Variants in ADK observed in about 807,000 individuals in gnomAD.
ADK encodes adenosine kinase.
Under a neutral mutation model 44.7 loss-of-function variants are expected in ADK, and 24 were observed. That is an observed-to-expected ratio of 0.54 (90% CI 0.39 to 0.76). ADK has a LOEUF of 0.76. Among genes scored for constraint, ADK ranks in the 30% least tolerant of loss-of-function variants. ADK has a pLI of 0.00. For synonymous variants in ADK, 128 were observed against 142.6 expected, an observed-to-expected ratio of 0.90 and a Z score of 0.73; for missense variants, 321 against 425.1, an observed-to-expected ratio of 0.76 and a Z score of 2.15.
At chr10:74,536,377 G>A (rs577233318) in intron 7 of ADK, among the ~76,000 whole-genome samples, 9 of 151,460 alleles carry the variant, frequency 5.9e-5, no homozygotes, top group Non-Finnish European at 1.3e-4. Flanking sequence ...CACGTGCTGG[G>A]ACAAAAAGTG....
chr10:74,201,672 G>GTATCTATCTATC (rs1219010013), intron 2 of ADK, among the ~76,000 whole-genome samples: 12 of 134,678 alleles, frequency 8.9e-5, no homozygotes, highest in African/African-American at 1.3e-4. Flanking sequence ...ATGTATGTAT[G>GTATCTATCTATC]TATGTATCTA....
intron 7 of ADK, among the ~76,000 whole-genome samples, chr10:74,538,810 T>A (rs1849538010): frequency 6.6e-6 from 1 of 152,210 alleles, no homozygotes; most frequent in Non-Finnish European, 1.5e-5. Context: ...TTTTAATGTT[T>A]CTAATAGTTA....
At chr10:74,193,740 G>A (rs1843032161) in intron 1 of ADK, among the ~76,000 whole-genome samples, 1 of 152,072 alleles carries the variant, frequency 6.6e-6, no homozygotes. Flanking sequence ...CTGCCCTCCA[G>A]CCTGGGCAAC....
At position 74,600,378 on chromosome 10, in the gene ADK, G is replaced by A; in HGVS notation, c.763-1G>A. ...AATTTTTTCCTTCCTTCTATTAATAGACTAAAGACATTAAAGAGATAGCCA... is the reference window on the plus strand; with the variant it reads ...AATTTTTTCCTTCCTTCTATTAATAAACTAAAGACATTAAAGAGATAGCCA... On this transcript the variant is annotated splice_acceptor_variant, in intron 8 of 10. Transcript: ENST00000539909. LOFTEE classifies it high-confidence loss of function. 1 of 1,600,834 alleles carries A rather than the reference G, an allele frequency of 6.2e-7. No homozygotes were observed. Among genetic ancestry groups the A allele is most frequent in the Non-Finnish European group, 8.5e-7 (1 of 1,170,972 alleles).
At chr10:74,173,262 T>C (rs979747083) in intron 1 of ADK, among the ~76,000 whole-genome samples, 31 of 151,428 alleles carry the variant, frequency 2.0e-4, no homozygotes, top group African/African-American at 7.3e-4. Flanking sequence ...GGCTAATTTT[T>C]TTTTTAATTT....
intron 6 of ADK, among the ~76,000 whole-genome samples, chr10:74,471,386 ACTGTTTTGATTG>A (rs1372112798): frequency 6.6e-6 from 1 of 152,004 alleles, no homozygotes; most frequent in Admixed American, 6.6e-5. Context: ...TCAGTACTAT[ACTGTTTTGATTG>A]CTGTTGCTTT....
chr10:74,603,048 A>G lies in ADK; in HGVS notation c.877+2555A>G, dbSNP rs535777235. ...ATAAAAATGCTTGGCCTGTGGGGCA[A>G]TTCACAAAAGAGATGCCAATTTGTT... is the stretch of plus-strand genomic sequence containing the variant. On this transcript the variant is annotated intron_variant, in intron 9 of 10. Coordinates refer to ENST00000539909, the MANE Select transcript of ADK (RefSeq NM_006721.4). Among the ~76,000 whole-genome samples the G allele has an allele frequency of 3.7e-4, 57 of 152,260 alleles. 1 individual carries two copies. The South Asian group carries it at 0.011, about 29-fold the overall frequency.
intron 4 of ADK, among the ~76,000 whole-genome samples, chr10:74,356,002 A>ATTTTTTTTTT (rs34454856): frequency 1.2e-5 from 1 of 83,310 alleles, no homozygotes; most frequent in African/African-American, 5.1e-5. Context: ...TAAATAATTC[A>ATTTTTTTTTT]TTTTTTTTTT....
At chr10:74,316,101 G>A (rs1392377467) in intron 4 of ADK, among the ~76,000 whole-genome samples, 1 of 152,068 alleles carries the variant, frequency 6.6e-6, no homozygotes. Flanking sequence ...TTAGCCAGGT[G>A]TGGTGGCATA....
chr10:74,268,488 T>G (rs1846301508), intron 3 of ADK, among the ~76,000 whole-genome samples: 1 of 152,170 alleles, frequency 6.6e-6, no homozygotes, highest in Non-Finnish European at 1.5e-5. Flanking sequence ...CTGGCAAAAT[T>G]GTTGATACAA....
chr10:74,562,407 A>G (rs1850496533), intron 7 of ADK, among the ~76,000 whole-genome samples: 1 of 152,194 alleles, frequency 6.6e-6, no homozygotes, highest in African/African-American at 2.4e-5. Context: ...GCTAGTAGAA[A>G]AGCAAAGAAG....
At chr10:74,465,442 G>C (rs1453256378) in intron 6 of ADK, among the ~76,000 whole-genome samples, 1 of 152,148 alleles carries the variant, frequency 6.6e-6, no homozygotes, top group Non-Finnish European at 1.5e-5. Context: ...GACTCTGAAT[G>C]AGATCAAAAG....
intron 3 of ADK, among the ~76,000 whole-genome samples, chr10:74,231,516 G>T (rs1591900752): frequency 6.8e-6 from 1 of 147,822 alleles, no homozygotes; most frequent in African/African-American, 2.5e-5. Context: ...TGCCCAGGTT[G>T]GAGTGCAGTG....
intron 3 of ADK, among the ~76,000 whole-genome samples, chr10:74,300,031 T>C (rs1839947543): frequency 6.6e-6 from 1 of 151,862 alleles, no homozygotes; most frequent in Non-Finnish European, 1.5e-5. Context: ...ATTGTTTCTT[T>C]TCTTTCTTCT....
At chr10:74,276,932 T>A (rs916667282) in intron 3 of ADK, among the ~76,000 whole-genome samples, 3 of 152,328 alleles carry the variant, frequency 2.0e-5, no homozygotes, top group Non-Finnish European at 4.4e-5. Flanking sequence ...ATCTTTTTTT[T>A]TTTGAGACGG....
chr10:74,537,141 G>T (rs1849479627), intron 7 of ADK, among the ~76,000 whole-genome samples: 1 of 152,156 alleles, frequency 6.6e-6, no homozygotes, highest in Non-Finnish European at 1.5e-5. Flanking sequence ...TAGCCATCCT[G>T]CTGGGCACGA....
chr10:74,189,216 C>T (rs1842878229), intron 1 of ADK, among the ~76,000 whole-genome samples: 1 of 152,090 alleles, frequency 6.6e-6, no homozygotes, highest in Non-Finnish European at 1.5e-5. Flanking sequence ...TTTTTCTGGT[C>T]CACAGGTCAT....
At chr10:74,491,683 T>G (rs1268077294) in intron 6 of ADK, among the ~76,000 whole-genome samples, 1 of 152,232 alleles carries the variant, frequency 6.6e-6, no homozygotes, top group Non-Finnish European at 1.5e-5. Context: ...TATATTTTGG[T>G]TTGTCTTACC....
rs186591980 is a variant in ADK at position 74,192,542 on chromosome 10, C to T, written c.66-8222C>T. On this transcript the variant is annotated intron_variant, in intron 1 of 10. Coordinates refer to ENST00000539909, the MANE Select transcript of ADK (RefSeq NM_006721.4). ...CACCTGGCCCATTTTTTTTTTTTTTCAAACAGATATGGTTTTGCTCTCTCT... is the reference window on the plus strand; with the variant it reads ...CACCTGGCCCATTTTTTTTTTTTTTTAAACAGATATGGTTTTGCTCTCTCT... Among the ~76,000 whole-genome samples, 707 of 126,816 alleles carry T rather than the reference C, an allele frequency of 5.6e-3. 6 individuals carry two copies. The highest frequency in any genetic ancestry group is 9.9e-3 in the Admixed American group (127 of 12,828). 83.2% of individuals were successfully genotyped at this position (126,816 alleles called of 152,430 possible). A position where few individuals can be genotyped will look rare whatever the true frequency, so the allele number is the denominator to read the frequency against.
Sources: gnomAD v4.1 joint callset for allele counts (sites outside exome capture counted in the v4.1 genomes callset) on GRCh38, gnomAD v4.1.1 for gene constraint, MANE v1.5 for transcripts, NCBI Gene and HGNC (gene_info 2026-07-23, HGNC 2026-07-21) for gene names.